Variants in ENTHD1 observed in about 807,000 individuals in gnomAD.
The protein encoded by ENTHD1 is ENTH domain containing 1, also known as ENTH domain-containing protein 1.
ENTHD1 carries 23 observed loss-of-function variants against 39.1 expected under a neutral mutation model. That is an observed-to-expected ratio of 0.59 (90% CI 0.42 to 0.83). The LOEUF (loss-of-function observed/expected upper bound fraction) is 0.83, where lower values mean the gene tolerates loss of function less well. Among genes scored for constraint, ENTHD1 ranks in the 40% least tolerant of loss-of-function variants. The pLI is 0.00. For synonymous variants in ENTHD1, 230 were observed against 258.2 expected, an observed-to-expected ratio of 0.89 and a Z score of 1.05; for missense variants, 624 against 705.4, an observed-to-expected ratio of 0.88 and a Z score of 1.31.
chr22:39,822,721 C>T (rs149483248), intron 4 of ENTHD1, among the ~76,000 whole-genome samples: 183 of 152,150 alleles, frequency 1.2e-3, no homozygotes, highest in African/African-American at 4.0e-3. Context: ...TTCATTATTC[C>T]TGGATACTAC....
At chr22:39,828,605 T>C (rs1251379506) in intron 4 of ENTHD1, among the ~76,000 whole-genome samples, 9 of 152,166 alleles carry the variant, frequency 5.9e-5, no homozygotes, top group African/African-American at 1.9e-4. Flanking sequence ...AGACTGAAGG[T>C]TTCGGTCAGC....
At chr22:39,888,260 C>CTTTCT (rs2066398891) in intron 1 of ENTHD1, among the ~76,000 whole-genome samples, 5 of 110,656 alleles carry the variant, frequency 4.5e-5, no homozygotes, top group Non-Finnish European at 8.7e-5. Flanking sequence ...TTCTTTCTTT[C>CTTTCT]TTTTTTTTTT....
chr22:39,826,648 C>A (rs1365197992), intron 4 of ENTHD1, among the ~76,000 whole-genome samples: 1 of 151,994 alleles, frequency 6.6e-6, no homozygotes, highest in Non-Finnish European at 1.5e-5. Flanking sequence ...ATTGAGTGAA[C>A]CTTAATGTAA....
intron 2 of ENTHD1, among the ~76,000 whole-genome samples, chr22:39,881,650 A>G (rs1283368840): frequency 6.6e-6 from 1 of 152,230 alleles, no homozygotes; most frequent in Admixed American, 6.5e-5. Context: ...TTTAGTAGGG[A>G]TAGACAATAA....
At chr22:39,804,307 G>A (rs985593550) in intron 5 of ENTHD1, among the ~76,000 whole-genome samples, 4 of 152,002 alleles carry the variant, frequency 2.6e-5, no homozygotes, top group Non-Finnish European at 5.9e-5. Context: ...GCAACATAGC[G>A]AGACCCTGTC....
At chr22:39,817,326 A>C (rs1336884612) in intron 5 of ENTHD1, among the ~76,000 whole-genome samples, 1 of 152,230 alleles carries the variant, frequency 6.6e-6, no homozygotes, top group South Asian at 2.1e-4. Context: ...GTAACAGTGA[A>C]AAACATCAAA....
intron 5 of ENTHD1, among the ~76,000 whole-genome samples, chr22:39,767,462 AAAAACAAAAC>A (rs536071958): frequency 4.7e-4 from 72 of 152,268 alleles, no homozygotes; most frequent in African/African-American, 1.6e-3. Flanking sequence ...CATTTCTATG[AAAAACAAAAC>A]AAAACAAAAC....
chr22:39,869,980 GTACTTTATT>G (rs1569176373), intron 2 of ENTHD1, among the ~76,000 whole-genome samples: 1 of 116,360 alleles, frequency 8.6e-6, no homozygotes, highest in Non-Finnish European at 1.8e-5. Flanking sequence ...TTGGAGAACA[GTACTTTATT>G]TATTTATTTA....
At chr22:39,858,524 CAGA>C (rs1456680825) in intron 3 of ENTHD1, among the ~76,000 whole-genome samples, 5 of 152,240 alleles carry the variant, frequency 3.3e-5, no homozygotes, top group Admixed American at 3.3e-4. Flanking sequence ...GAATCTTTTC[CAGA>C]AGGTTTTTAA....
chr22:39,818,421 A>C (rs931893102), intron 5 of ENTHD1, among the ~76,000 whole-genome samples: 4 of 152,212 alleles, frequency 2.6e-5, no homozygotes, highest in East Asian at 1.9e-4. Context: ...TATGCCACGA[A>C]GTTTCAGGGC....
chr22:39,775,981 T>G (rs2065362602), intron 5 of ENTHD1, among the ~76,000 whole-genome samples: 1 of 152,128 alleles, frequency 6.6e-6, no homozygotes, highest in Admixed American at 6.5e-5. Flanking sequence ...TACTGCAGCC[T>G]GGCCTGCCCA....
chr22:39,743,510 A>G lies in ENTHD1; in HGVS notation c.*169T>C. Reference sequence around the variant, plus strand: ...TGACATCTTTCCCTTTTAAAAAATAAACCACCCAAATGAAAGTATTAGTTT... The same window carrying G: ...TGACATCTTTCCCTTTTAAAAAATAGACCACCCAAATGAAAGTATTAGTTT... On this transcript the variant is annotated 3_prime_UTR_variant, in exon 7 of 7. Transcript: ENST00000325157. 1 of 711,776 alleles carries G rather than the reference A, an allele frequency of 1.4e-6. No homozygotes were observed. Among genetic ancestry groups the G allele is most frequent in the Non-Finnish European group, 2.1e-6 (1 of 475,742 alleles). The allele number at this position is 711,776 out of a possible 1,614,324, so 44.1% of individuals were successfully genotyped here. A position where few individuals can be genotyped will look rare whatever the true frequency, so the allele number is the denominator to read the frequency against.
intron 5 of ENTHD1, among the ~76,000 whole-genome samples, chr22:39,805,469 G>C (rs2065633130): frequency 6.6e-6 from 1 of 152,214 alleles, no homozygotes; most frequent in Non-Finnish European, 1.5e-5. Flanking sequence ...CATGGAAGAT[G>C]CAGAGTGCAT....
intron 3 of ENTHD1, among the ~76,000 whole-genome samples, chr22:39,845,630 T>G (rs913495237): frequency 6.6e-6 from 1 of 152,234 alleles, no homozygotes; most frequent in African/African-American, 2.4e-5. Context: ...TTTGAAGTTA[T>G]TGTAAATTAT....
At chr22:39,865,471 TAAATAAC>T (rs1203369774) in intron 2 of ENTHD1, among the ~76,000 whole-genome samples, 1 of 152,166 alleles carries the variant, frequency 6.6e-6, no homozygotes, top group Non-Finnish European at 1.5e-5. Flanking sequence ...AAGGATGAGT[TAAATAAC>T]AACAACAGTA....
At chr22:39,873,306 C>T (rs2066259213) in intron 2 of ENTHD1, among the ~76,000 whole-genome samples, 1 of 151,706 alleles carries the variant, frequency 6.6e-6, no homozygotes, top group African/African-American at 2.4e-5. Context: ...CATACAATTC[C>T]TAGAATCTGA....
intron 2 of ENTHD1, among the ~76,000 whole-genome samples, chr22:39,871,204 T>TAAAG (rs2066241110): frequency 6.7e-6 from 1 of 150,356 alleles, no homozygotes; most frequent in Non-Finnish European, 1.5e-5. Flanking sequence ...AATAAATAAA[T>TAAAG]AAATAAATAA....
At chr22:39,806,412 G>A (rs918174009) in intron 5 of ENTHD1, among the ~76,000 whole-genome samples, 4 of 152,200 alleles carry the variant, frequency 2.6e-5, no homozygotes, top group African/African-American at 9.6e-5. Context: ...GACTCCCAGT[G>A]TGCTGGCCAT....
At chr22:39,853,932 T>C (rs187645261) in intron 3 of ENTHD1, among the ~76,000 whole-genome samples, 42 of 152,232 alleles carry the variant, frequency 2.8e-4, no homozygotes, top group Admixed American at 9.8e-4. Context: ...TAAGGAAGAT[T>C]AGTAAAAATA....
Sources: gnomAD v4.1 joint callset for allele counts (sites outside exome capture counted in the v4.1 genomes callset) on GRCh38, gnomAD v4.1.1 for gene constraint, MANE v1.5 for transcripts, NCBI Gene and HGNC (gene_info 2026-07-23, HGNC 2026-07-21) for gene names.